The following PAPPA variants were observed in gnomAD, a reference collection of about 807,000 sequenced individuals.
PAPPA encodes pappalysin 1.
PAPPA carries 60 observed loss-of-function variants against 164.0 expected under a neutral mutation model. That is an observed-to-expected ratio of 0.37 (90% confidence interval 0.30 to 0.45). The LOEUF (loss-of-function observed/expected upper bound fraction) is 0.45, where lower values mean the gene tolerates loss of function less well. Among genes scored for constraint, PAPPA ranks in the 20% least tolerant of loss-of-function variants. The pLI is 1.00. For missense variants in PAPPA, 1,782 were observed against 2,087.3 expected (o/e 0.85, Z 2.85); for synonymous variants, 875 against 814.1 (o/e 1.07, Z -1.27).
intron 18 of PAPPA, 95 bp downstream of exon 18, chr9:116,362,834 A>G (rs1417456214): frequency 2.4e-6 from 3 of 1,229,638 alleles, no homozygotes; most frequent in African/African-American, 3.0e-5. Context: ...CCCTGGCCAC[A>G]TGAGTTCCTG....
chr9:116,236,371 G>C (rs962128725), intron 7 of PAPPA, among the ~76,000 whole-genome samples: 4 of 152,074 alleles, frequency 2.6e-5, no homozygotes, highest in African/African-American at 9.6e-5. Context: ...GGTCACCTGA[G>C]GTCAGGAGTT....
At chr9:116,216,327 G>C (rs1371277535) in intron 4 of PAPPA, among the ~76,000 whole-genome samples, 1 of 152,176 alleles carries the variant, frequency 6.6e-6, no homozygotes, top group African/African-American at 2.4e-5. Flanking sequence ...TAAGTGGAGT[G>C]AAGGCATGGT....
chr9:116,301,201 T>C (rs886131712), intron 9 of PAPPA, among the ~76,000 whole-genome samples: 4 of 152,160 alleles, frequency 2.6e-5, no homozygotes, highest in Non-Finnish European at 5.9e-5. Context: ...TCCCAGGATA[T>C]GTTCCTTTTG....
At chr9:116,225,524 G>A (rs1342161651) in intron 5 of PAPPA, among the ~76,000 whole-genome samples, 1 of 152,096 alleles carries the variant, frequency 6.6e-6, no homozygotes, top group African/African-American at 2.4e-5. Context: ...TTTAGCTTTG[G>A]ATGTTACTTT....
At chr9:116,366,956 T>G (rs1471388625) in intron 18 of PAPPA, among the ~76,000 whole-genome samples, 3 of 152,172 alleles carry the variant, frequency 2.0e-5, no homozygotes, top group Non-Finnish European at 4.4e-5. Context: ...GAGAAGCTGG[T>G]ATTGCATTTA....
At chr9:116,312,802 G>A (rs1845737122) in intron 10 of PAPPA, among the ~76,000 whole-genome samples, 1 of 151,946 alleles carries the variant, frequency 6.6e-6, no homozygotes, top group African/African-American at 2.4e-5. Flanking sequence ...ACTCCAACCA[G>A]GCCAGGCGTG....
chr9:116,372,432 A>C (rs1846587621), intron 19 of PAPPA, among the ~76,000 whole-genome samples: 1 of 152,150 alleles, frequency 6.6e-6, no homozygotes, highest in Non-Finnish European at 1.5e-5. Flanking sequence ...TTTTTTAAAC[A>C]CTTGTATGCC....
chr9:116,289,324 G>GCCATATATAT (rs1276187721), intron 9 of PAPPA, among the ~76,000 whole-genome samples: 4,981 of 98,722 alleles, frequency 0.05, 531 homozygotes, highest in Non-Finnish European at 0.074. Context: ...GCATATATAT[G>GCCATATATAT]GCATATATAT....
At chr9:116,323,432 A>G (rs910013367) in intron 10 of PAPPA, among the ~76,000 whole-genome samples, 62 of 152,174 alleles carry the variant, frequency 4.1e-4, no homozygotes, top group Admixed American at 3.9e-4. Flanking sequence ...ATCAAATGTG[A>G]GAATTGGAGT....
rs544171881 is a variant in PAPPA, at chr9:116,247,916, A to C, written c.2732+12279A>C. Among the ~76,000 whole-genome samples, 45 of 152,362 alleles carry C rather than the reference A, an allele frequency of 3.0e-4. No individual in the cohort carries two copies. The Middle Eastern group carries it at 0.01, about 35-fold the overall frequency. ...TAAGCTTAAGTTCCTTCCCTTGGAC[A>C]AAGTGGGTGACTGTCCATATAGTCT... On this transcript the variant is annotated intron_variant, in intron 7 of 21. Coordinates refer to ENST00000328252, the MANE Select transcript of PAPPA (RefSeq NM_002581.5).
intron 18 of PAPPA, among the ~76,000 whole-genome samples, chr9:116,364,098 A>G (rs986531080): frequency 3.9e-5 from 6 of 152,242 alleles, no homozygotes; most frequent in Admixed American, 3.3e-4. Context: ...AGGTTGGGCA[A>G]CAAGTATTGC....
chr9:116,274,420 A>T (rs1845173439), intron 9 of PAPPA, among the ~76,000 whole-genome samples: 1 of 152,238 alleles, frequency 6.6e-6, no homozygotes, highest in Admixed American at 6.5e-5. Flanking sequence ...CGAAAGGAAC[A>T]GCTGAAAAAT....
At chr9:116,290,824 TG>T (rs1468576694) in intron 9 of PAPPA, among the ~76,000 whole-genome samples, 10 of 151,462 alleles carry the variant, frequency 6.6e-5, no homozygotes, top group African/African-American at 2.2e-4. Context: ...ATCCATGTTT[TG>T]GATTTTTTTT....
At chr9:116,294,634 C>T (rs1306529066) in intron 9 of PAPPA, among the ~76,000 whole-genome samples, 8 of 152,160 alleles carry the variant, frequency 5.3e-5, no homozygotes, top group Admixed American at 4.6e-4. Context: ...ACTCCTGCTC[C>T]CCCTGTTCCA....
chr9:116,273,995 T>C (rs914431111), intron 9 of PAPPA, among the ~76,000 whole-genome samples: 11 of 151,946 alleles, frequency 7.2e-5, no homozygotes, highest in African/African-American at 2.7e-4. Flanking sequence ...AGGTATGGGG[T>C]GATGATCTAA....
intron 6 of PAPPA, among the ~76,000 whole-genome samples, chr9:116,232,901 G>A (rs151163308): frequency 6.6e-6 from 1 of 152,190 alleles, no homozygotes; most frequent in African/African-American, 2.4e-5. Flanking sequence ...CAAGAAACTA[G>A]GGAGGAAGGA....
intron 6 of PAPPA, among the ~76,000 whole-genome samples, chr9:116,228,298 C>A (rs761971710): frequency 2.8e-4 from 43 of 151,868 alleles, no homozygotes; most frequent in Non-Finnish European, 5.3e-4. Context: ...TTCATCTCCC[C>A]CTCCCTGGTA....
chr9:116,394,092 C>T (rs1846930087), intron 21 of PAPPA, among the ~76,000 whole-genome samples: 1 of 152,050 alleles, frequency 6.6e-6, no homozygotes, highest in Non-Finnish European at 1.5e-5. Context: ...TTAGAGGTAA[C>T]TGGATCGTGC....
At chr9:116,213,895 A>G (rs1281048001) in intron 4 of PAPPA, among the ~76,000 whole-genome samples, 1 of 152,206 alleles carries the variant, frequency 6.6e-6, no homozygotes. Context: ...GCAATTCAAA[A>G]TGCAGAACAG....
Sources: gnomAD v4.1 joint callset for allele counts (sites outside exome capture counted in the v4.1 genomes callset) on GRCh38, gnomAD v4.1.1 for gene constraint, MANE v1.5 for transcripts, NCBI Gene and HGNC (gene_info 2026-07-23, HGNC 2026-07-21) for gene names.